Variants in MECOM observed in about 807,000 individuals in gnomAD.
MECOM encodes the protein histone-lysine N-methyltransferase MECOM.
A neutral mutation model predicts 116.3 loss-of-function variants in MECOM; 13 were observed. The observed-to-expected ratio is 0.11, with a 90% CI of 0.07 to 0.18. The LOEUF is 0.18. MECOM is among the 10% of genes least tolerant of loss of function. The probability of loss-of-function intolerance (pLI) is 1.00; values close to 1 mark genes in which losing one functional copy is unlikely to be tolerated. For missense variants in MECOM, 1,299 were observed against 1,509.0 expected (o/e 0.86, Z 2.31); for synonymous variants, 528 against 535.2 (o/e 0.99, Z 0.19).
chr3:169,496,604 A>G (rs186668805), intron 1 of MECOM, among the ~76,000 whole-genome samples: 233 of 152,238 alleles, frequency 1.5e-3, no homozygotes, highest in Non-Finnish European at 2.7e-3. Context: ...CTGACTGGCC[A>G]TTTCCCCTCT....
chr3:169,245,250 T>C (rs1292708227), intron 2 of MECOM, among the ~76,000 whole-genome samples: 2 of 152,128 alleles, frequency 1.3e-5, no homozygotes, highest in African/African-American at 4.8e-5. Context: ...TAATGAAATA[T>C]GCGAAAAACA....
intron 2 of MECOM, among the ~76,000 whole-genome samples, chr3:169,351,022 C>T (rs1199481333): frequency 6.6e-6 from 1 of 151,746 alleles, no homozygotes; most frequent in Non-Finnish European, 1.5e-5. Context: ...TTAAAAATTG[C>T]CCCAAATCTC....
intron 2 of MECOM, among the ~76,000 whole-genome samples, chr3:169,245,717 T>G (rs1755502122): frequency 2.0e-5 from 3 of 152,200 alleles, no homozygotes; most frequent in Non-Finnish European, 4.4e-5. Flanking sequence ...TTTCCACACT[T>G]CCCTACATAA....
chr3:169,086,413 G>C lies in MECOM; in HGVS notation c.3586-1370C>G, dbSNP rs910425408. The C allele has an allele frequency of 1.4e-4, 83 of 609,464 alleles. 1 individual carries two copies. The South Asian group carries it at 1.6e-3, about 12-fold the overall frequency. 37.8% of individuals were successfully genotyped at this position (609,464 alleles called of 1,614,324 possible). ...GAACAAGATAAAGAGTACTCTGAAAGAGTTAAAACAAATTCTGATATTTGG... is the reference window on the plus strand; with the variant it reads ...GAACAAGATAAAGAGTACTCTGAAACAGTTAAAACAAATTCTGATATTTGG... On this transcript the variant is annotated intron_variant, in intron 16 of 16. Transcript: ENST00000651503.
chr3:169,118,028 AGT>A (rs1560195524), intron 7 of MECOM, among the ~76,000 whole-genome samples: 1 of 152,224 alleles, frequency 6.6e-6, no homozygotes, highest in Non-Finnish European at 1.5e-5. Flanking sequence ...AAAATGCAAC[AGT>A]TATTGCTTTC....
intron 1 of MECOM, among the ~76,000 whole-genome samples, chr3:169,399,048 C>T (rs556591220): frequency 6.6e-5 from 10 of 152,212 alleles, no homozygotes; most frequent in Non-Finnish European, 1.3e-4. Flanking sequence ...TAAAACGTAC[C>T]TCAAAACATA....
intron 9 of MECOM, among the ~76,000 whole-genome samples, chr3:169,110,421 C>G (rs1416418772): frequency 1.3e-5 from 2 of 150,972 alleles, no homozygotes; most frequent in East Asian, 1.9e-4. Context: ...TTCCAGCTAC[C>G]CTGGGAAGGG....
At position 169,189,830 on chromosome 3, in the gene MECOM, G is replaced by A. The variant is rs1427271970; in HGVS notation, c.376-45998C>T. The stretch of plus-strand genomic sequence containing the variant: ...TATTTACGAATAGGTTAAGACCTTC[G>A]CCTTGTTTCTAACTATGTTCCTAAG... On this transcript the variant is annotated intron_variant, in intron 2 of 16. Transcript: ENST00000651503. Among the ~76,000 whole-genome samples the A allele has an allele frequency of 9.9e-5, 15 of 152,080 alleles. No homozygotes were observed. The East Asian group carries it at 2.3e-3, about 24-fold the overall frequency.
chr3:169,338,520 T>C (rs1332399329), intron 2 of MECOM, among the ~76,000 whole-genome samples: 1 of 151,854 alleles, frequency 6.6e-6, no homozygotes, highest in East Asian at 1.9e-4. Context: ...AAAACTGGAG[T>C]AATTTAGGCC....
At chr3:169,283,335 T>A (rs1712545647) in intron 2 of MECOM, among the ~76,000 whole-genome samples, 1 of 151,934 alleles carries the variant, frequency 6.6e-6, no homozygotes, top group Admixed American at 6.6e-5. Context: ...AGACCTCATC[T>A]CTGCAAAAAA....
intron 1 of MECOM, among the ~76,000 whole-genome samples, chr3:169,435,686 AG>A (rs1742508142): frequency 6.6e-6 from 1 of 152,186 alleles, no homozygotes; most frequent in Non-Finnish European, 1.5e-5. Context: ...AGACAATTAG[AG>A]GGCCAAAACT....
At chr3:169,169,672 T>C (rs1302499709) in intron 2 of MECOM, among the ~76,000 whole-genome samples, 1 of 152,140 alleles carries the variant, frequency 6.6e-6, no homozygotes, top group East Asian at 1.9e-4. Context: ...AAATGTGAAA[T>C]AATGTGCACC....
At chr3:169,295,189 T>G (rs931159722) in intron 2 of MECOM, among the ~76,000 whole-genome samples, 5 of 152,190 alleles carry the variant, frequency 3.3e-5, no homozygotes, top group African/African-American at 1.2e-4. Flanking sequence ...CCATAGGATC[T>G]AGGTTGACTT....
At chr3:169,161,216 T>C (rs1368833528) in intron 2 of MECOM, among the ~76,000 whole-genome samples, 5 of 152,296 alleles carry the variant, frequency 3.3e-5, no homozygotes, top group South Asian at 2.1e-4. Context: ...CCACACCCTA[T>C]AGTTAGTCAT....
intron 1 of MECOM, among the ~76,000 whole-genome samples, chr3:169,427,489 A>G (rs2108535566): frequency 6.6e-6 from 1 of 152,314 alleles, no homozygotes; most frequent in East Asian, 1.9e-4. Flanking sequence ...GTCCTTACTG[A>G]CTATAAATAA....
chr3:169,250,480 T>G (rs1756124953), intron 2 of MECOM, among the ~76,000 whole-genome samples: 2 of 150,106 alleles, frequency 1.3e-5, no homozygotes, highest in Admixed American at 6.6e-5. Flanking sequence ...ACCAACCAGC[T>G]TTTCTCTTGT....
intron 2 of MECOM, among the ~76,000 whole-genome samples, chr3:169,296,065 A>G (rs1040783683): frequency 6.6e-6 from 1 of 152,200 alleles, no homozygotes; most frequent in African/African-American, 2.4e-5. Context: ...AGGTTCCAGT[A>G]ACTTAAACAC....
At chr3:169,554,807 T>G (rs1049735065) in intron 1 of MECOM, among the ~76,000 whole-genome samples, 1 of 152,164 alleles carries the variant, frequency 6.6e-6, no homozygotes. Flanking sequence ...CAGTCCTCCC[T>G]GGACCAGGAA....
intron 2 of MECOM, among the ~76,000 whole-genome samples, chr3:169,230,030 T>G (rs1753183636): frequency 6.6e-6 from 1 of 152,178 alleles, no homozygotes; most frequent in Non-Finnish European, 1.5e-5. Context: ...GGAAGAATAC[T>G]TCAGGGGGCT....
Sources: gnomAD v4.1 joint callset for allele counts (sites outside exome capture counted in the v4.1 genomes callset) on GRCh38, gnomAD v4.1.1 for gene constraint, MANE v1.5 for transcripts, NCBI Gene and HGNC (gene_info 2026-07-23, HGNC 2026-07-21) for gene names.